Variants in SIK3 observed in about 807,000 individuals in gnomAD.
The protein encoded by SIK3 is SIK family kinase 3, also known as serine/threonine-protein kinase SIK3.
In SIK3, 28 loss-of-function variants were observed where a neutral mutation model predicts 144.2. The observed-to-expected ratio is 0.19, with a 90% CI of 0.14 to 0.27. The LOEUF (loss-of-function observed/expected upper bound fraction) is 0.27. Ranked by LOEUF, SIK3 falls within the 10% of genes least tolerant of loss-of-function variation. The probability of loss-of-function intolerance (pLI) is 1.00; values close to 1 mark genes in which losing one functional copy is unlikely to be tolerated. For missense variants in SIK3, 1,319 were observed against 1,776.0 expected, an observed-to-expected ratio of 0.74 and a Z score of 4.62; for synonymous variants, 686 against 676.3, an observed-to-expected ratio of 1.01 and a Z score of -0.22.
chr11:116,941,002 GTTTGTTTT>G (rs1011513652), intron 3 of SIK3, among the ~76,000 whole-genome samples: 1 of 150,696 alleles, frequency 6.6e-6, no homozygotes, highest in African/African-American at 2.5e-5. Context: ...TTGTTTGTTT[GTTTGTTTT>G]GTTTTGATTT....
At chr11:117,002,770 A>G (rs1268614567) in intron 1 of SIK3, among the ~76,000 whole-genome samples, 1 of 152,238 alleles carries the variant, frequency 6.6e-6, no homozygotes, top group African/African-American at 2.4e-5. Context: ...TGTAGGAGGA[A>G]GGCTTGTCAT....
intron 1 of SIK3, among the ~76,000 whole-genome samples, chr11:117,096,850 G>A (rs1470375952): frequency 1.3e-5 from 2 of 152,140 alleles, no homozygotes; most frequent in South Asian, 2.1e-4. Flanking sequence ...CAAAAACAAG[G>A]TAGGTCATGA....
chr11:117,008,464 C>CAAAAGAGA (rs113443112), intron 1 of SIK3, among the ~76,000 whole-genome samples: 11 of 151,402 alleles, frequency 7.3e-5, no homozygotes, highest in Non-Finnish European at 1.6e-4. Context: ...AACATAAAGG[C>CAAAAGAGA]AAAAGAGAAA....
At chr11:116,978,278 T>A (rs958978439) in intron 1 of SIK3, among the ~76,000 whole-genome samples, 1 of 152,038 alleles carries the variant, frequency 6.6e-6, no homozygotes, top group Admixed American at 6.6e-5. Context: ...CACCTCAGGG[T>A]TCCTTTCAAC....
At chr11:117,061,885 T>C (rs1191341339) in intron 1 of SIK3, among the ~76,000 whole-genome samples, 2 of 152,310 alleles carry the variant, frequency 1.3e-5, no homozygotes, top group African/African-American at 4.8e-5. Flanking sequence ...GTTAATGAAA[T>C]TTTGAAACAT....
At position 116,859,467 on chromosome 11, in the gene SIK3, C is replaced by A; in HGVS notation, c.2563G>T (p.Val855Phe). 1.9e-6 allele frequency: 3 copies of A among 1,614,184 alleles called. No homozygotes were observed. Among genetic ancestry groups the A allele is most frequent in the African/African-American group, 1.3e-5 (1 of 75,036 alleles). The change falls in exon 20 of 25, where the codon GTC becomes TTC. Residue 855 changes from valine to phenylalanine, a missense_variant. Val to Phe is a conservative substitution (Grantham distance 50, BLOSUM62 -1). This residue lies in a region of SIK3 where 646 missense variants were observed against 763.7 expected (regional missense o/e 0.85). Coordinates refer to ENST00000445177, the MANE Select transcript of SIK3 (RefSeq NM_001366686.3). The part of the protein sequence containing the change: ...GMQQPAQSQQ[V>F]TIQVQEPVDM... ...ACAGGCTCTTGGACTTGGATGGTGA[C>A]CTGCTGTGACTGAGCAGGCTGCTGC...
At chr11:117,023,185 T>C (rs982884171) in intron 1 of SIK3, among the ~76,000 whole-genome samples, 9 of 152,098 alleles carry the variant, frequency 5.9e-5, no homozygotes, top group Admixed American at 5.9e-4. Context: ...AACCGATACC[T>C]CAAAATATGG....
intron 1 of SIK3, among the ~76,000 whole-genome samples, chr11:117,095,906 A>G (rs538363512): frequency 1.3e-5 from 2 of 152,366 alleles, no homozygotes; most frequent in African/African-American, 4.8e-5. Context: ...AAGACTTTGA[A>G]TATTTCCATA....
chr11:116,951,704 G>A (rs1213696776), intron 3 of SIK3, among the ~76,000 whole-genome samples: 1 of 152,086 alleles, frequency 6.6e-6, no homozygotes, highest in African/African-American at 2.4e-5. Context: ...GGAGGCCAAG[G>A]CAGGAGGATT....
intron 15 of SIK3, among the ~76,000 whole-genome samples, chr11:116,866,705 G>A (rs1385984521): frequency 6.6e-6 from 1 of 152,130 alleles, no homozygotes; most frequent in African/African-American, 2.4e-5. Context: ...CTCCCAAAGT[G>A]CTGGGATTGC....
chr11:117,089,497 T>C (rs952073502), intron 1 of SIK3, among the ~76,000 whole-genome samples: 6 of 152,184 alleles, frequency 3.9e-5, no homozygotes, highest in Non-Finnish European at 8.8e-5. Flanking sequence ...TTTGTACCTT[T>C]TGAATTTTGG....
At position 116,875,895 on chromosome 11, in the gene SIK3, G is replaced by C; in HGVS notation, c.1210C>G (p.Leu404Val). The change falls in exon 9 of 25, where the codon CTG (leucine) becomes GTG (valine). Residue 404 changes from leucine (L) to valine (V), a missense_variant. Physicochemically the swap from Leu to Val is conservative, Grantham distance 32. Transcript: ENST00000445177. The part of the protein sequence containing the change: ...LGALPSMPRA[L>V]AFQAPVNIQA... ...ATATTGACTGGTGCTTGAAAGGCCA[G>C]GGCTCGGGGCATGCTAGGAAGTGCT... is the stretch of plus-strand genomic sequence containing the variant. 6.2e-7 allele frequency: 1 copy of C among 1,608,570 alleles called. No individual in the cohort carries two copies.
chr11:117,091,206 T>C (rs1440489789), intron 1 of SIK3, among the ~76,000 whole-genome samples: 10 of 143,268 alleles, frequency 7.0e-5, no homozygotes, highest in African/African-American at 1.5e-4. Flanking sequence ...TTTTCTTTTT[T>C]TTTTTTTTTT....
chr11:116,949,888 T>C (rs540343374), intron 3 of SIK3, among the ~76,000 whole-genome samples: 46 of 152,272 alleles, frequency 3.0e-4, no homozygotes, highest in Non-Finnish European at 5.7e-4. Context: ...AGCTGTTTTA[T>C]GGTTTGTTTT....
chr11:117,070,446 T>TA (rs1954212558), intron 1 of SIK3, among the ~76,000 whole-genome samples: 1 of 149,428 alleles, frequency 6.7e-6, no homozygotes, highest in Non-Finnish European at 1.5e-5. Context: ...ACAATACCTT[T>TA]TTTTTTTTTT....
chr11:116,845,995 G>A (rs1182440184), intron 24 of SIK3, among the ~76,000 whole-genome samples: 1 of 152,178 alleles, frequency 6.6e-6, no homozygotes, highest in Non-Finnish European at 1.5e-5. Flanking sequence ...TTTCCTGCCA[G>A]GTTTTGTCTT....
At chr11:116,883,010 A>G (rs1944623137) in intron 6 of SIK3, among the ~76,000 whole-genome samples, 1 of 152,242 alleles carries the variant, frequency 6.6e-6, no homozygotes, top group African/African-American at 2.4e-5. Context: ...TAAAGTCTTA[A>G]AGTTTTCAGA....
chr11:116,904,413 C>T (rs548329689), intron 4 of SIK3, among the ~76,000 whole-genome samples: 1 of 152,278 alleles, frequency 6.6e-6, no homozygotes, highest in Non-Finnish European at 1.5e-5. Flanking sequence ...TAAAATACAG[C>T]TTCAAATGAC....
At chr11:116,992,972 G>A (rs530420445) in intron 1 of SIK3, among the ~76,000 whole-genome samples, 3 of 152,270 alleles carry the variant, frequency 2.0e-5, no homozygotes, top group South Asian at 4.1e-4. Flanking sequence ...GTGACAGAGT[G>A]AGATTCTGTC....
Sources: gnomAD v4.1 joint callset for allele counts (sites outside exome capture counted in the v4.1 genomes callset) on GRCh38, gnomAD v4.1.1 for gene constraint, gnomAD v4.1.1 regional missense constraint, MANE v1.5 for transcripts, NCBI Gene and HGNC (gene_info 2026-07-23, HGNC 2026-07-21) for gene names.